Variants in S100Z observed in about 807,000 individuals in gnomAD.
The protein encoded by S100Z is protein S100-Z.
In S100Z, 11 loss-of-function variants were observed where a neutral mutation model predicts 8.5. The ratio of observed to expected loss-of-function variants is 1.30; its 90% confidence interval spans 0.82 to 2.15. The LOEUF is 2.15. Among genes scored for constraint, S100Z ranks in the 30% most tolerant of loss-of-function variants. S100Z has a pLI of 0.00. For synonymous variants in S100Z, 34 were observed against 43.8 expected, an observed-to-expected ratio of 0.78 and a Z score of 0.89; for missense variants, 126 against 117.9, an observed-to-expected ratio of 1.07 and a Z score of -0.32.
the S100Z span, among the ~76,000 whole-genome samples, chr5:76,935,769 C>CT: frequency 0.055 from 7,862 of 143,218 alleles, 588 homozygotes; most frequent in African/African-American, 0.17. Flanking sequence ...AAAATAATGA[C>CT]TTTTTTTTTT....
rs1561231802 is a variant in S100Z, at chr5:76,877,665, T to G, written c.142-9T>G. 1.3e-6 allele frequency: 2 copies of G among 1,579,836 alleles called. No individual in the cohort carries two copies. On this transcript the variant is annotated splice_polypyrimidine_tract_variant and intron_variant, in intron 3 of 4. Transcript: ENST00000317593. ...GCCAGGGAGTTAGAAATTTCCTTTC[T>G]CATTTTAGTGCCAAAAGGAAACCCA...
chr5:76,927,076 C>T, the S100Z span, among the ~76,000 whole-genome samples: 274 of 152,244 alleles, frequency 1.8e-3, 1 homozygote, highest in African/African-American at 6.4e-3. Flanking sequence ...TTCCTTCTTA[C>T]GCTAATAGTA....
intron 1 of S100Z, among the ~76,000 whole-genome samples, chr5:76,867,793 G>C (rs779118220): frequency 2.0e-5 from 3 of 151,962 alleles, no homozygotes; most frequent in Non-Finnish European, 2.9e-5. Flanking sequence ...TGTTGGCCAG[G>C]CTGGTCTCAA....
the S100Z span, among the ~76,000 whole-genome samples, chr5:76,933,071 A>G: frequency 5.3e-5 from 8 of 152,370 alleles, no homozygotes; most frequent in East Asian, 1.9e-4. Context: ...TATTCTCAAA[A>G]GGATGTTTAA....
intron 4 of S100Z, among the ~76,000 whole-genome samples, chr5:76,880,739 T>G (rs2150647287): frequency 6.6e-6 from 1 of 152,290 alleles, no homozygotes; most frequent in East Asian, 1.9e-4. Context: ...TTTGCTTGGT[T>G]GTTGAGTTTT....
At chr5:76,932,745 C>T in the S100Z span, among the ~76,000 whole-genome samples, 1 of 151,384 alleles carries the variant, frequency 6.6e-6, no homozygotes, top group Non-Finnish European at 1.5e-5. Flanking sequence ...TTAGTCATTA[C>T]CTTTTACAAA....
intron 1 of S100Z, 106 bp from the exon 2 acceptor site, chr5:76,870,060 C>G (rs1742952056): frequency 1.3e-5 from 2 of 151,834 alleles, no homozygotes; most frequent in Non-Finnish European, 2.9e-5. Context: ...CTGGTGTGAC[C>G]AAGGAACTGG....
At chr5:76,892,068 GTTA>G (rs1743881473) in intron 4 of S100Z, among the ~76,000 whole-genome samples, 3 of 152,078 alleles carry the variant, frequency 2.0e-5, no homozygotes, top group Admixed American at 2.0e-4. Context: ...AGCACACCAG[GTTA>G]TTATTATGTA....
Position 76,877,799 on chromosome 5 carries a change from C to T in S100Z, c.267C>T (p.Tyr89=), listed in dbSNP as rs769644413. 3.1e-6 allele frequency: 5 copies of T among 1,613,168 alleles called. No individual in the cohort carries two copies. Among genetic ancestry groups the T allele is most frequent in the East Asian group, 2.2e-5 (1 of 44,860 alleles). Residue 89 remains tyrosine, a synonymous_variant, in exon 4 of 5, where the codon TAC becomes TAT. Coordinates refer to ENST00000317593, the MANE Select transcript of S100Z (RefSeq NM_130772.4). ...CTCTGACAGTTGCTTGTAATGATTA[C>T]TTTGTAGAACAATTGAAGAAGAAAG... The part of the protein sequence containing the change: ...VAALTVACND[Y]FVEQLKKKGK
At chr5:76,865,117 C>T (rs1162370518) in intron 1 of S100Z, among the ~76,000 whole-genome samples, 1 of 152,154 alleles carries the variant, frequency 6.6e-6, no homozygotes, top group African/African-American at 2.4e-5. Flanking sequence ...TCACAGATGC[C>T]AGCTCCACAG....
At chr5:76,931,476 T>G in the S100Z span, among the ~76,000 whole-genome samples, 2 of 152,132 alleles carry the variant, frequency 1.3e-5, no homozygotes, top group Non-Finnish European at 1.5e-5. Flanking sequence ...CATGACCTCA[T>G]CTAAACCTAA....
Position 76,854,653 on chromosome 5 carries a change from G to A in S100Z, c.-176+4498G>A, listed in dbSNP as rs115712827. 6.7e-3 allele frequency among the ~76,000 whole-genome samples: 1,014 copies of A among 152,338 alleles called. 9 individuals are homozygous for A. The highest frequency in any genetic ancestry group is 9.4e-3 in the Non-Finnish European group (640 of 68,028). ...AACTTATATTTAAAAGGGACACAGA[G>A]TGTAAAAGTTTGGAAAATTTGCAGC... On this transcript the variant is annotated intron_variant, in intron 1 of 4. Transcript: ENST00000317593.
At chr5:76,914,791 A>C (rs113072115) in intron 4 of S100Z, among the ~76,000 whole-genome samples, 2,328 of 152,114 alleles carry the variant, frequency 0.015, 67 homozygotes, top group East Asian at 0.11. Context: ...CTCCTGACGC[A>C]CCACCTTTAA....
At position 76,897,833 on chromosome 5, in the gene S100Z, G is replaced by C. The variant is rs141115732; in HGVS notation, c.*2+19999G>C. Among the ~76,000 whole-genome samples, 222 of 152,162 alleles carry C rather than the reference G, an allele frequency of 1.5e-3. 1 individual carries two copies. The highest frequency in any genetic ancestry group is 5.0e-3 in the African/African-American group (209 of 41,524). On this transcript the variant is annotated intron_variant, in intron 4 of 4. Transcript: ENST00000317593. ...CTACTGATTTTTGTATGTTGATTTT[G>C]TATCTTGGAACTTTACTGAATTTGT...
chr5:76,937,411 G>A, the S100Z span, among the ~76,000 whole-genome samples: 1 of 151,816 alleles, frequency 6.6e-6, no homozygotes, highest in East Asian at 1.9e-4. Context: ...TTAAATTTTA[G>A]ATGTGCATTT....
At chr5:76,921,976 G>C (rs1201895094), downstream of S100Z, among the ~76,000 whole-genome samples, 1 of 146,604 alleles carries the variant, frequency 6.8e-6, no homozygotes, top group Non-Finnish European at 1.5e-5. Flanking sequence ...GCAACAGAGT[G>C]AGAGACTGTC....
chr5:76,890,578 G>A (rs978888783), intron 4 of S100Z, among the ~76,000 whole-genome samples: 3 of 152,058 alleles, frequency 2.0e-5, no homozygotes, highest in Non-Finnish European at 4.4e-5. Flanking sequence ...TGAGCCCAGG[G>A]GTTTGAGGCT....
At chr5:76,853,691 G>C (rs2150617714) in intron 1 of S100Z, among the ~76,000 whole-genome samples, 1 of 152,188 alleles carries the variant, frequency 6.6e-6, no homozygotes, top group South Asian at 2.1e-4. Context: ...CAGCTACTGG[G>C]GAGGCTGAGG....
At chr5:76,857,498 A>ATT (rs11317478) in intron 1 of S100Z, among the ~76,000 whole-genome samples, 30 of 125,314 alleles carry the variant, frequency 2.4e-4, no homozygotes, top group African/African-American at 4.8e-4. Flanking sequence ...TCCTGCCCCC[A>ATT]TTTTTTTTTT....
Sources: allele counts gnomAD v4.1 joint callset (sites outside exome capture counted in the v4.1 genomes callset), GRCh38; gene constraint gnomAD v4.1.1; transcripts MANE v1.5; gene names NCBI Gene and HGNC (gene_info 2026-07-23, HGNC 2026-07-21).